TPTE2: variants seen among roughly 807,000 people sequenced by gnomAD.
The protein encoded by TPTE2 is transmembrane phosphoinositide 3-phosphatase and tensin homolog 2, also known as phosphatidylinositol 3,4,5-trisphosphate 3-phosphatase TPTE2.
A neutral mutation model predicts 78.6 loss-of-function variants in TPTE2; 53 were observed. The observed-to-expected ratio is 0.67, with a 90% CI of 0.54 to 0.85. The LOEUF is 0.85. Ranked by LOEUF, TPTE2 falls within the 40% of genes least tolerant of loss-of-function variation. The pLI is 0.00. For synonymous variants in TPTE2, 175 were observed against 206.2 expected (o/e 0.85, Z 1.30); for missense variants, 461 against 623.0 (o/e 0.74, Z 2.77).
chr13:19,540,292 T>TATTATC (rs1871402516), upstream of TPTE2, among the ~76,000 whole-genome samples: 3 of 148,738 alleles, frequency 2.0e-5, no homozygotes, highest in South Asian at 6.4e-4. Flanking sequence ...TTATTATTAT[T>TATTATC]ATTATTATTA....
chr13:19,427,717 G>T (rs1161776176), intron 17 of TPTE2, among the ~76,000 whole-genome samples: 1 of 152,126 alleles, frequency 6.6e-6, no homozygotes, highest in African/African-American at 2.4e-5. Context: ...TTTGTCAATG[G>T]GATCTTTGAA....
chr13:19,468,128 C>G (rs1397395643), intron 6 of TPTE2, among the ~76,000 whole-genome samples: 1 of 148,150 alleles, frequency 6.7e-6, no homozygotes. Context: ...GCAACCTCCA[C>G]CTCCCAGGTT....
In TPTE2 at chr13:19,535,634, ATTTAT is replaced by A. The variant is rs1199610866; in HGVS notation, c.-44+957_-44+961del. On this transcript the variant is annotated intron_variant, in intron 1 of 17. Transcript: ENST00000390680. This position sits in a 1 kb window ranked among gnomAD's most constrained non-coding sequence, Gnocchi z 5.1. Reference sequence around the variant, plus strand: ...TTCTTATTTATTTATTTATTTATTTATTTATTTATTTATTTTGAGACGGAGTCTCA... The same window carrying A: ...TTCTTATTTATTTATTTATTTATTTATTATTTATTTTGAGACGGAGTCTCA... Among the ~76,000 whole-genome samples the A allele has an allele frequency of 2.1e-5, 3 of 140,152 alleles. No individual in the cohort carries two copies. The highest frequency in any genetic ancestry group is 4.6e-5 in the Non-Finnish European group (3 of 64,822). The allele number at this position is 140,152 out of a possible 152,430, so 91.9% of individuals were successfully genotyped here.
rs1283013025 is a variant in TPTE2, at chr13:19,497,519, G to A, written c.12-4018C>T. ...TGACCCCTGAGCAGCCTAACTGGGA[G>A]GCACCCCCCAGCAGGGGCACACTGA... On this transcript the variant is annotated intron_variant, in intron 1 of 19. Transcript: ENST00000400230. Among the ~76,000 whole-genome samples, 396 of 82,490 alleles carry A rather than the reference G, an allele frequency of 4.8e-3. 7 individuals are homozygous for A. The highest frequency in any genetic ancestry group is 0.012 in the African/African-American group (375 of 30,768). The allele number at this position is 82,490 out of a possible 152,430, so 54.1% of individuals were successfully genotyped here. A position where few individuals can be genotyped will look rare whatever the true frequency, so the allele number is the denominator to read the frequency against.
the TPTE2 span, among the ~76,000 whole-genome samples, chr13:19,551,543 G>GCA: frequency 2.6e-5 from 4 of 152,092 alleles, no homozygotes; most frequent in Non-Finnish European, 5.9e-5. Context: ...CCGAGATCAT[G>GCA]CCACTGCACT....
chr13:19,480,281 C>T (rs1269619065), intron 4 of TPTE2, among the ~76,000 whole-genome samples: 3 of 152,064 alleles, frequency 2.0e-5, no homozygotes, highest in African/African-American at 7.2e-5. Flanking sequence ...CTCTAGATCA[C>T]TAAAACAGGG....
intron 1 of TPTE2, 61 bp downstream of exon 4, chr13:19,503,163 G>T: frequency 6.2e-7 from 1 of 1,609,246 alleles, no homozygotes; most frequent in Non-Finnish European, 8.5e-7. Flanking sequence ...GCCTGTGTGT[G>T]TGAATACTTC....
the TPTE2 span, among the ~76,000 whole-genome samples, chr13:19,547,180 G>A: frequency 1.8e-3 from 278 of 152,206 alleles, 3 homozygotes; most frequent in Non-Finnish European, 3.0e-3. Context: ...TGGGGTAGCC[G>A]GGAACGTGGC....
At chr13:19,428,992 C>A (rs1876354035) in intron 17 of TPTE2, among the ~76,000 whole-genome samples, 1 of 152,176 alleles carries the variant, frequency 6.6e-6, no homozygotes, top group Non-Finnish European at 1.5e-5. Context: ...ACATATAACA[C>A]TTATTTAGTG....
At chr13:19,533,459 A>C (rs1209125529) in intron 1 of TPTE2, among the ~76,000 whole-genome samples, 1 of 152,254 alleles carries the variant, frequency 6.6e-6, no homozygotes, top group African/African-American at 2.4e-5. Context: ...TCACTGATGG[A>C]AGGTTATGTT....
chr13:19,546,483 CTTTTTTTTTT>C, the TPTE2 span, among the ~76,000 whole-genome samples: 39 of 85,046 alleles, frequency 4.6e-4, no homozygotes, highest in South Asian at 6.1e-3. Flanking sequence ...TTTTCTTTTT[CTTTTTTTTTT>C]TTTTTTTTTT....
upstream of TPTE2, among the ~76,000 whole-genome samples, chr13:19,505,303 G>C (rs1034420865): frequency 2.6e-5 from 4 of 152,016 alleles, no homozygotes; most frequent in African/African-American, 7.2e-5. Context: ...ACCACACCTG[G>C]CGAATTTTTG....
chr13:19,550,610 T>C, the TPTE2 span, among the ~76,000 whole-genome samples: 7 of 152,156 alleles, frequency 4.6e-5, no homozygotes. Flanking sequence ...ACCAATCTCA[T>C]ATAATGAGTA....
intron 13 of TPTE2, among the ~76,000 whole-genome samples, chr13:19,440,015 A>G (rs1877385857): frequency 1.3e-5 from 2 of 152,230 alleles, no homozygotes; most frequent in South Asian, 4.1e-4. Context: ...AAAAGAAAAC[A>G]GCCTGGAAAA....
At chr13:19,523,882 T>A (rs937632972) in intron 1 of TPTE2, among the ~76,000 whole-genome samples, 1 of 152,192 alleles carries the variant, frequency 6.6e-6, no homozygotes, top group African/African-American at 2.4e-5. Context: ...TCAGTCAACA[T>A]AGAAGCCAGA....
intron 1 of TPTE2, among the ~76,000 whole-genome samples, chr13:19,525,731 A>G (rs1870456573): frequency 6.6e-6 from 1 of 152,194 alleles, no homozygotes. Flanking sequence ...CAGCAAAAGA[A>G]ACTATCAACA....
Position 19,440,852 on chromosome 13 carries a change from T to G in TPTE2, c.974-2699A>C, listed in dbSNP as rs1322706180. On this transcript the variant is annotated intron_variant, in intron 13 of 19. Transcript: ENST00000400230. ...CTGTAATCCCAGCACTTTGGGAGGCTGGGGTGGGTGGATCACCCGAGGTCA... is the reference window on the plus strand; with the variant it reads ...CTGTAATCCCAGCACTTTGGGAGGCGGGGGTGGGTGGATCACCCGAGGTCA... Among the ~76,000 whole-genome samples the G allele has an allele frequency of 4.6e-5, 7 of 152,090 alleles. No homozygotes were observed. The East Asian group carries it at 5.8e-4, about 13-fold the overall frequency.
chr13:19,497,107 T>C lies in TPTE2; in HGVS notation c.12-3606A>G, dbSNP rs374482993. Reference sequence around the variant, plus strand: ...CTTTTCTGAGGGGCTTAAAAAACGGTGCACCGCGAGATTATATCCCGCACC... The same window carrying C: ...CTTTTCTGAGGGGCTTAAAAAACGGCGCACCGCGAGATTATATCCCGCACC... On this transcript the variant is annotated intron_variant, in intron 1 of 19. Transcript: ENST00000400230. Among the ~76,000 whole-genome samples the C allele has an allele frequency of 5.9e-4, 90 of 152,086 alleles. 2 individuals are homozygous for C. The East Asian group carries it at 0.012, about 20-fold the overall frequency.
chr13:19,505,840 C>T (rs912884484), upstream of TPTE2: 11 of 152,004 alleles, frequency 7.2e-5, no homozygotes, highest in African/African-American at 2.4e-4. Context: ...CTCAGAGGTT[C>T]GTTCCTAAGG....
Sources: allele counts gnomAD v4.1 joint callset (sites outside exome capture counted in the v4.1 genomes callset), GRCh38; gene constraint gnomAD v4.1.1; non-coding constraint Gnocchi (gnomAD v3.1); transcripts MANE v1.5; gene names NCBI Gene and HGNC (gene_info 2026-07-23, HGNC 2026-07-21).